Variants in EFCAB8 observed in about 807,000 individuals in gnomAD.
EFCAB8 encodes EF-hand calcium binding domain 8.
A neutral mutation model predicts 116.3 loss-of-function variants in EFCAB8; 100 were observed. The observed-to-expected ratio is 0.86, with a 90% confidence interval of 0.73 to 1.02. The LOEUF is 1.02. EFCAB8 is among the 50% of genes least tolerant of loss of function. The pLI is 0.00. For missense variants in EFCAB8, 1,320 were observed against 1,416.9 expected, an observed-to-expected ratio of 0.93 and a Z score of 1.10; for synonymous variants, 558 against 567.9, an observed-to-expected ratio of 0.98 and a Z score of 0.25.
chr20:32,924,905 G>A (rs1987612365), intron 20 of EFCAB8, among the ~76,000 whole-genome samples: 1 of 152,162 alleles, frequency 6.6e-6, no homozygotes, highest in African/African-American at 2.4e-5. Flanking sequence ...CACTCCTTGA[G>A]GAGCAGGGTC....
chr20:32,877,633 G>A (rs1411883576), intron 4 of EFCAB8, among the ~76,000 whole-genome samples: 2 of 152,246 alleles, frequency 1.3e-5, no homozygotes, highest in African/African-American at 2.4e-5. Context: ...GCTTTACCCA[G>A]TGGTCCTTGT....
intron 3 of EFCAB8, 132 bp downstream of exon 3, chr20:32,867,879 C>A: frequency 9.4e-7 from 1 of 1,060,012 alleles, no homozygotes; most frequent in Non-Finnish European, 1.3e-6. Flanking sequence ...ATTGCTCTGT[C>A]ACCCAGTCTG....
intron 3 of EFCAB8, among the ~76,000 whole-genome samples, chr20:32,874,027 C>T (rs768424440): frequency 2.6e-5 from 4 of 151,710 alleles, no homozygotes; most frequent in Non-Finnish European, 4.4e-5. Context: ...CTCAAGCAAT[C>T]CTCCCAGCTC....
In EFCAB8 at chr20:32,905,759, CA is replaced by C. The variant is rs571052063; in HGVS notation, c.1089-789del. Reference sequence around the variant, plus strand: ...TGGGCGACAGAGTGAGACTCCATCTCAAAAAAAAAAAAAAGGACATTCCTTT... The same window carrying C: ...TGGGCGACAGAGTGAGACTCCATCTCAAAAAAAAAAAAAGGACATTCCTTT... On this transcript the variant is annotated intron_variant, in intron 11 of 26. Coordinates refer to ENST00000400522, the MANE Select transcript of EFCAB8 (RefSeq NM_001143967.2). Among the ~76,000 whole-genome samples the C allele has an allele frequency of 2.2e-3, 154 of 71,462 alleles. 5 individuals carry two copies. The highest frequency in any genetic ancestry group is 0.013 in the Admixed American group (91 of 7,228). The allele number at this position is 71,462 out of a possible 152,430, so 46.9% of individuals were successfully genotyped here.
rs1600466670 is a variant in EFCAB8, at chr20:32,950,496, G to A, written c.2959+6692G>A. On this transcript the variant is annotated intron_variant, in intron 23 of 26. Coordinates refer to ENST00000400522, the MANE Select transcript of EFCAB8 (RefSeq NM_001143967.2). ...AAACCTGAGAGGGGCGGCTGGCTGA[G>A]TTAGGTTAGAGCCACACTCTCTTAC... Among the ~76,000 whole-genome samples, 4 of 152,294 alleles carry A rather than the reference G, an allele frequency of 2.6e-5. No homozygotes were observed. In the Middle Eastern group the frequency reaches 0.014, roughly 518 times the overall value.
At chr20:32,902,688 G>T (rs1445828638) in intron 11 of EFCAB8, among the ~76,000 whole-genome samples, 1 of 152,190 alleles carries the variant, frequency 6.6e-6, no homozygotes, top group African/African-American at 2.4e-5. Flanking sequence ...CCACTTGCTG[G>T]TCTCCCGTTT....
At chr20:32,927,787 C>T (rs937307613) in intron 20 of EFCAB8, among the ~76,000 whole-genome samples, 2 of 152,036 alleles carry the variant, frequency 1.3e-5, no homozygotes, top group African/African-American at 4.8e-5. Context: ...TGCCCTTTGT[C>T]TTTGGTTCAG....
intron 3 of EFCAB8, 128 bp from the exon 4 acceptor site, chr20:32,875,798 C>A (rs1036203642): frequency 5.3e-6 from 4 of 748,032 alleles, no homozygotes; most frequent in Non-Finnish European, 8.8e-6. Flanking sequence ...CATGAGCCAC[C>A]GCGCCTGGCC....
rs532854150 is a variant in EFCAB8, at chr20:32,920,223, G to A, written c.2412+8G>A. 7.7e-6 allele frequency: 12 copies of A among 1,551,526 alleles called. No homozygotes were observed. Among genetic ancestry groups the A allele is most frequent in the South Asian group, 3.6e-5 (3 of 84,038 alleles). On this transcript the variant is annotated splice_region_variant and intron_variant, in intron 20 of 26. Transcript: ENST00000400522. Reference sequence around the variant, plus strand: ...AGTGCCTCGGTGGAGAAGGTTGGCCGTGATCAGCCAGGGAGAGGGATATGA... The same window carrying A: ...AGTGCCTCGGTGGAGAAGGTTGGCCATGATCAGCCAGGGAGAGGGATATGA...
Position 32,909,842 on chromosome 20 carries a change from T to G in EFCAB8, c.1468T>G (p.Leu490Val). Residue 490 changes from leucine (L) to valine (V), a missense_variant, in exon 15 of 27, where the codon TTA becomes GTA. Transcript: ENST00000400522. ...TYSIGILKGY[L>V]EAQGLIKARK... ...ACAGATCGGGATCCTAAAAGGGTAC[T>G]TAGAGGCCCAGGGGCTTATCAAAGC... 1 of 1,249,862 alleles carries G rather than the reference T, an allele frequency of 8.0e-7. No individual in the cohort carries two copies. Among genetic ancestry groups the G allele is most frequent in the Non-Finnish European group, 1.0e-6 (1 of 988,216 alleles). The allele number at this position is 1,249,862 out of a possible 1,614,324, so 77.4% of individuals were successfully genotyped here.
chr20:32,889,316 C>T lies in EFCAB8; in HGVS notation c.583C>T (p.Gln195Ter). 1 of 1,551,698 alleles carries T rather than the reference C, an allele frequency of 6.4e-7. No individual in the cohort carries two copies. The highest frequency in any genetic ancestry group is 8.7e-7 in the Non-Finnish European group (1 of 1,146,992). ...MSSFRLNQTQ[Q>*]LYNQPMWVID... ...CTCTGGCCAGCTTAACCAGACCCAG[C>T]AGCTCTACAACCAGCCGATGTGGGT... The change falls in exon 7 of 27, where the codon CAG (glutamine) becomes TAG (stop). Residue 195 changes from glutamine (Q) to a stop codon, truncating the protein, a stop_gained. Coordinates refer to ENST00000400522, the MANE Select transcript of EFCAB8 (RefSeq NM_001143967.2). LOFTEE classifies it high-confidence loss of function.
chr20:32,870,320 G>A (rs1039393915), intron 3 of EFCAB8, among the ~76,000 whole-genome samples: 2 of 152,134 alleles, frequency 1.3e-5, no homozygotes, highest in African/African-American at 2.4e-5. Flanking sequence ...TTGTGTTTGT[G>A]TATGTTTTGA....
At chr20:32,954,388 C>G (rs1988898206) in intron 23 of EFCAB8, among the ~76,000 whole-genome samples, 1 of 152,196 alleles carries the variant, frequency 6.6e-6, no homozygotes, top group Admixed American at 6.5e-5. Flanking sequence ...TAGAGACTAT[C>G]TTTCCCAATT....
In EFCAB8 at chr20:32,878,556, G is replaced by A. The variant is rs187176613; in HGVS notation, c.328-148G>A. On this transcript the variant is annotated intron_variant, in intron 4 of 26. Coordinates refer to ENST00000400522, the MANE Select transcript of EFCAB8 (RefSeq NM_001143967.2). ...GACGGAGTCTCGCTCTGTCGCCCAG[G>A]TCGGACTGCGGACTGCAGTGGCGCA... is the stretch of plus-strand genomic sequence containing the variant. 3.8e-3 allele frequency: 1,798 copies of A among 470,864 alleles called. 46 individuals are homozygous for A. Among genetic ancestry groups the A allele is most frequent in the Non-Finnish European group, 5.4e-3 (1,401 of 258,504 alleles). The allele number at this position is 470,864 out of a possible 1,614,324, so 29.2% of individuals were successfully genotyped here. A position where few individuals can be genotyped will look rare whatever the true frequency, so the allele number is the denominator to read the frequency against.
chr20:32,948,524 A>AAAAGAAAGAAAGAAAGAAAG (rs201493711), intron 23 of EFCAB8, among the ~76,000 whole-genome samples: 6 of 117,576 alleles, frequency 5.1e-5, no homozygotes, highest in African/African-American at 6.6e-5. Flanking sequence ...AAGAAAGTGA[A>AAAAGAAAGAAAGAAAGAAAG]AAAGAAAGAA....
At chr20:32,935,333 T>C (rs1021539903) in intron 22 of EFCAB8, among the ~76,000 whole-genome samples, 3 of 151,102 alleles carry the variant, frequency 2.0e-5, no homozygotes, top group African/African-American at 7.3e-5. Flanking sequence ...CCTGAGTAGC[T>C]GTGATTACAG....
At chr20:32,891,827 G>GTTT (rs35814833) in intron 7 of EFCAB8, among the ~76,000 whole-genome samples, 3 of 145,598 alleles carry the variant, frequency 2.1e-5, no homozygotes, top group Admixed American at 6.8e-5. Flanking sequence ...GAAGGAGTCA[G>GTTT]TTTTTTTTTT....
rs372027781 is a variant in EFCAB8, at chr20:32,912,741, G to C, written c.1786-53G>C. ...CCTTTAGGAAGACATTTAGGGCCCA[G>C]AGCCATTTTCTCTGATAAGTTTTCT... On this transcript the variant is annotated intron_variant, in intron 16 of 26. Coordinates refer to ENST00000400522, the MANE Select transcript of EFCAB8 (RefSeq NM_001143967.2). 2.0e-4 allele frequency: 147 copies of C among 717,164 alleles called. No individual in the cohort carries two copies. In the African/African-American group the frequency reaches 2.3e-3, roughly 11 times the overall value. 44.4% of individuals were successfully genotyped at this position (717,164 alleles called of 1,614,324 possible). A position where few individuals can be genotyped will look rare whatever the true frequency, so the allele number is the denominator to read the frequency against.
intron 9 of EFCAB8, among the ~76,000 whole-genome samples, chr20:32,894,289 C>A (rs907536938): frequency 6.6e-6 from 1 of 152,226 alleles, no homozygotes; most frequent in Admixed American, 6.5e-5. Flanking sequence ...AGGCCCCTGG[C>A]AGGCTTGTTG....
Sources: allele counts gnomAD v4.1 joint callset (sites outside exome capture counted in the v4.1 genomes callset), GRCh38; gene constraint gnomAD v4.1.1; transcripts MANE v1.5; gene names NCBI Gene and HGNC (gene_info 2026-07-23, HGNC 2026-07-21).